SUGCT: variants seen among roughly 807,000 people sequenced by gnomAD.
The protein encoded by SUGCT is succinyl-CoA:glutarate-CoA transferase, also known as succinyl-CoA:glutarate CoA-transferase.
SUGCT carries 41 observed loss-of-function variants against 55.0 expected under a neutral mutation model. The ratio of observed to expected loss-of-function variants is 0.74; its 90% confidence interval spans 0.58 to 0.97. The LOEUF (loss-of-function observed/expected upper bound fraction) is 0.97, where lower values mean the gene tolerates loss of function less well. Ranked by LOEUF, SUGCT falls within the 50% of genes least tolerant of loss-of-function variation. SUGCT has a pLI of 0.00. For missense variants in SUGCT, 568 were observed against 547.8 expected (o/e 1.04, Z -0.37); for synonymous variants, 187 against 200.4 (o/e 0.93, Z 0.56).
intron 13 of SUGCT, among the ~76,000 whole-genome samples, chr7:40,792,381 C>A (rs973991737): frequency 6.6e-6 from 1 of 152,096 alleles, no homozygotes; most frequent in African/African-American, 2.4e-5. Context: ...AGGTAGATTA[C>A]ATTGCTCACA....
At chr7:40,415,520 A>C (rs556580408) in intron 9 of SUGCT, among the ~76,000 whole-genome samples, 1 of 151,182 alleles carries the variant, frequency 6.6e-6, no homozygotes, top group South Asian at 2.1e-4. Context: ...TTTTTTATCT[A>C]ATCAAATATT....
intron 13 of SUGCT, among the ~76,000 whole-genome samples, chr7:40,833,956 T>C (rs1300027458): frequency 6.6e-6 from 1 of 152,200 alleles, no homozygotes; most frequent in Non-Finnish European, 1.5e-5. Context: ...TCAGCATTGT[T>C]TTAACGTGAA....
At chr7:40,318,701 T>A (rs1006281039) in intron 9 of SUGCT, among the ~76,000 whole-genome samples, 1 of 152,238 alleles carries the variant, frequency 6.6e-6, no homozygotes, top group Non-Finnish European at 1.5e-5. Flanking sequence ...CCTCCCAAAG[T>A]ACTGGGATTA....
At chr7:40,335,186 T>C (rs1235158226) in intron 9 of SUGCT, among the ~76,000 whole-genome samples, 6 of 152,242 alleles carry the variant, frequency 3.9e-5, no homozygotes, top group African/African-American at 1.2e-4. Context: ...TCAGGTAGCA[T>C]GATGCCTCTA....
the SUGCT span, among the ~76,000 whole-genome samples, chr7:40,996,567 A>G: frequency 2.6e-5 from 4 of 152,160 alleles, no homozygotes; most frequent in African/African-American, 9.6e-5. Flanking sequence ...AAGCAGGGGA[A>G]TTGGTGGGGA....
intron 12 of SUGCT, among the ~76,000 whole-genome samples, chr7:40,519,385 G>A (rs894823333): frequency 6.6e-6 from 1 of 152,058 alleles, no homozygotes; most frequent in African/African-American, 2.4e-5. Context: ...CCATGGTTAT[G>A]TGAGATGCTT....
intron 7 of SUGCT, among the ~76,000 whole-genome samples, chr7:40,269,980 A>G (rs1791895926): frequency 1.3e-5 from 2 of 151,962 alleles, no homozygotes; most frequent in South Asian, 4.2e-4. Flanking sequence ...CTACAAAAAT[A>G]CAAAAATTAG....
At chr7:40,855,260 A>T in intron 13 of SUGCT, among the ~76,000 whole-genome samples, 1 of 149,236 alleles carries the variant, frequency 6.7e-6, no homozygotes. Flanking sequence ...TTGTTGAAAA[A>T]TTTCTCCTCA....
chr7:40,307,644 G>A (rs1158055503), intron 8 of SUGCT, among the ~76,000 whole-genome samples: 1 of 152,188 alleles, frequency 6.6e-6, no homozygotes, highest in Non-Finnish European at 1.5e-5. Context: ...CATGTAAAAT[G>A]CTTAGAACAG....
At chr7:40,812,146 T>A (rs562947531) in intron 13 of SUGCT, among the ~76,000 whole-genome samples, 67 of 152,276 alleles carry the variant, frequency 4.4e-4, no homozygotes, top group South Asian at 1.7e-3. Flanking sequence ...TTGTGTCCTG[T>A]TGGATCTGGT....
intron 9 of SUGCT, among the ~76,000 whole-genome samples, chr7:40,325,617 C>T (rs1795986799): frequency 6.6e-6 from 1 of 152,082 alleles, no homozygotes; most frequent in South Asian, 2.1e-4. Flanking sequence ...CCAGCCTGGC[C>T]AACATGGGGA....
the SUGCT span, among the ~76,000 whole-genome samples, chr7:40,898,553 A>G: frequency 2.1e-5 from 3 of 143,326 alleles, no homozygotes; most frequent in East Asian, 4.3e-4. Context: ...GAAACCCCAG[A>G]TCTACTAAAA....
chr7:40,910,592 T>C, the SUGCT span, among the ~76,000 whole-genome samples: 1 of 152,210 alleles, frequency 6.6e-6, no homozygotes, highest in African/African-American at 2.4e-5. Flanking sequence ...TGTCTAGTAC[T>C]GATCAAGGAT....
intron 9 of SUGCT, among the ~76,000 whole-genome samples, chr7:40,384,088 T>TG (rs1051051458): frequency 6.6e-6 from 1 of 152,122 alleles, no homozygotes; most frequent in Non-Finnish European, 1.5e-5. Context: ...GGAGAGATAG[T>TG]GGGAAATAGA....
intron 9 of SUGCT, among the ~76,000 whole-genome samples, chr7:40,443,918 C>T (rs1015021480): frequency 1.1e-4 from 17 of 151,908 alleles, no homozygotes; most frequent in East Asian, 7.7e-4. Flanking sequence ...AAGGAAGGGA[C>T]CCAGTTTCAG....
At chr7:40,297,339 T>TA (rs747929363) in intron 8 of SUGCT, among the ~76,000 whole-genome samples, 63 of 151,924 alleles carry the variant, frequency 4.1e-4, no homozygotes, top group East Asian at 5.8e-4. Context: ...TTTTTTTTTT[T>TA]AATTTCAATT....
rs747863428 is a variant in SUGCT, at chr7:40,274,675, T to C, written c.720+19T>C. 6.2e-6 allele frequency: 10 copies of C among 1,610,952 alleles called. No homozygotes were observed. Among genetic ancestry groups the C allele is most frequent in the South Asian group, 1.1e-5 (1 of 90,904 alleles). The stretch of plus-strand genomic sequence containing the variant: ...ATCCCAGGTAACAATCCAACTAACA[T>C]TTCAGATAATGTTATAAAAACTGTG... On this transcript the variant is annotated intron_variant, in intron 8 of 13. Transcript: ENST00000335693.
the SUGCT span, among the ~76,000 whole-genome samples, chr7:40,905,685 CA>C: frequency 6.6e-6 from 1 of 150,964 alleles, no homozygotes; most frequent in Non-Finnish European, 1.5e-5. Flanking sequence ...ATACACATGA[CA>C]AAAAATTTAC....
intron 9 of SUGCT, among the ~76,000 whole-genome samples, chr7:40,366,552 T>G (rs1783982643): frequency 6.6e-6 from 1 of 151,770 alleles, no homozygotes. Flanking sequence ...TACAATAAAA[T>G]CAAACAAATT....
Sources: allele counts gnomAD v4.1 joint callset (sites outside exome capture counted in the v4.1 genomes callset), GRCh38; gene constraint gnomAD v4.1.1; transcripts MANE v1.5; gene names NCBI Gene and HGNC (gene_info 2026-07-23, HGNC 2026-07-21).